AVEN: variants seen among roughly 807,000 people sequenced by gnomAD.
AVEN encodes apoptosis and caspase activation inhibitor.
In AVEN, 41 loss-of-function variants were observed where a neutral mutation model predicts 38.1. The observed-to-expected ratio is 1.08, with a 90% CI of 0.84 to 1.40. The LOEUF is 1.40. Ranked by LOEUF, AVEN falls within the 40% of genes most tolerant of loss-of-function variation. The pLI, the probability that AVEN is intolerant of heterozygous loss-of-function variation, is 0.00. For synonymous variants in AVEN, 206 were observed against 171.8 expected (o/e 1.20, Z -1.56); for missense variants, 605 against 438.8 (o/e 1.38, Z -3.38).
chr15:33,967,149 T>C (rs917314134), intron 2 of AVEN, among the ~76,000 whole-genome samples: 9 of 152,134 alleles, frequency 5.9e-5, no homozygotes, highest in African/African-American at 2.2e-4. Context: ...TATGTTCTCT[T>C]GCATAAATAT....
chr15:33,889,785 A>G (rs187073636), intron 2 of AVEN, among the ~76,000 whole-genome samples: 3 of 152,354 alleles, frequency 2.0e-5, no homozygotes, highest in Admixed American at 6.5e-5. Flanking sequence ...TCTGATTTTT[A>G]TTCTTTTTCA....
upstream of AVEN, among the ~76,000 whole-genome samples, chr15:34,042,591 C>T (rs1325890539): frequency 6.6e-6 from 1 of 151,542 alleles, no homozygotes; most frequent in African/African-American, 2.4e-5. Context: ...TTAGTAGAGA[C>T]GGGGTTTCTC....
intron 2 of AVEN, among the ~76,000 whole-genome samples, chr15:33,967,426 A>C (rs1311852110): frequency 1.3e-5 from 2 of 152,126 alleles, no homozygotes; most frequent in Non-Finnish European, 1.5e-5. Flanking sequence ...AAAAGTGTCC[A>C]TACTTTAAAA....
chr15:33,921,383 G>C (rs1893387830), intron 2 of AVEN, among the ~76,000 whole-genome samples: 1 of 151,966 alleles, frequency 6.6e-6, no homozygotes, highest in Non-Finnish European at 1.5e-5. Context: ...AATTGAGACA[G>C]TTTTTCAGAA....
At chr15:34,067,603 T>C (rs1341083163) in intron 2 of AVEN, 1 of 152,266 alleles carries the variant, frequency 6.6e-6, no homozygotes, top group African/African-American at 2.4e-5. Context: ...ATACACGTCC[T>C]TCTTGCTACC....
At chr15:33,893,062 T>C (rs1469989600) in intron 2 of AVEN, among the ~76,000 whole-genome samples, 1 of 152,230 alleles carries the variant, frequency 6.6e-6, no homozygotes, top group Non-Finnish European at 1.5e-5. Context: ...TTTCTGCACA[T>C]TGATTTTGTA....
At chr15:33,893,407 T>G (rs1321873411) in intron 2 of AVEN, among the ~76,000 whole-genome samples, 1 of 152,174 alleles carries the variant, frequency 6.6e-6, no homozygotes, top group African/African-American at 2.4e-5. Context: ...CCAGCCTTGC[T>G]TATATCAGAA....
chr15:34,017,875 C>T (rs903077123), intron 1 of AVEN, among the ~76,000 whole-genome samples: 2 of 152,132 alleles, frequency 1.3e-5, no homozygotes, highest in South Asian at 2.1e-4. Flanking sequence ...ACCATATTTA[C>T]AACAGTGGTC....
rs1396408090 is a variant in AVEN at position 33,934,025 on chromosome 15, G to T, written c.446-58030C>A. Among the ~76,000 whole-genome samples the T allele has an allele frequency of 4.6e-5, 7 of 152,252 alleles. No individual in the cohort carries two copies. The East Asian group carries it at 1.4e-3, about 29-fold the overall frequency. ...TTTTCTTTGCTCAAGAAATCCCTCT[G>T]TTCTCATTGCTGAGGCTCAATCTAT... On this transcript the variant is annotated intron_variant, in intron 2 of 5. Coordinates refer to ENST00000306730, the MANE Select transcript of AVEN (RefSeq NM_020371.3).
intron 2 of AVEN, among the ~76,000 whole-genome samples, chr15:33,918,312 A>G (rs1358301826): frequency 6.6e-6 from 1 of 152,148 alleles, no homozygotes; most frequent in East Asian, 1.9e-4. Context: ...AGCTCCTACT[A>G]TGTACTTTTA....
chr15:33,892,035 G>T (rs1217358987), intron 2 of AVEN, among the ~76,000 whole-genome samples: 2 of 152,230 alleles, frequency 1.3e-5, no homozygotes, highest in African/African-American at 4.8e-5. Context: ...CTTCTTTCGA[G>T]AAGTGTCTGT....
intron 2 of AVEN, among the ~76,000 whole-genome samples, chr15:33,889,218 T>C (rs1891832727): frequency 6.6e-6 from 1 of 152,228 alleles, no homozygotes; most frequent in African/African-American, 2.4e-5. Context: ...CTTTTTTGAC[T>C]GCTGTACTAC....
intron 2 of AVEN, among the ~76,000 whole-genome samples, chr15:34,069,592 T>C (rs1900590205): frequency 6.6e-6 from 1 of 152,238 alleles, no homozygotes; most frequent in African/African-American, 2.4e-5. Context: ...AGGAGGCATA[T>C]GATGTTCTAT....
At chr15:34,025,625 TA>T in intron 1 of AVEN, among the ~76,000 whole-genome samples, 1 of 152,318 alleles carries the variant, frequency 6.6e-6, no homozygotes, top group East Asian at 1.9e-4. Flanking sequence ...GTGCAATGGT[TA>T]TAAAAGATTT....
intron 1 of AVEN, among the ~76,000 whole-genome samples, chr15:34,035,390 A>T (rs1004202944): frequency 1.3e-5 from 2 of 152,208 alleles, no homozygotes; most frequent in Admixed American, 6.5e-5. Flanking sequence ...TTAAAAAAAT[A>T]ATCAGGCATG....
chr15:33,999,102 A>C (rs1897046432), intron 2 of AVEN, among the ~76,000 whole-genome samples: 1 of 152,194 alleles, frequency 6.6e-6, no homozygotes, highest in Non-Finnish European at 1.5e-5. Flanking sequence ...TAGAAGGTTG[A>C]CCAATATGGA....
At chr15:33,860,707 G>T in intron 11 of AVEN, 1 of 1,305,238 alleles carries the variant, frequency 7.7e-7, no homozygotes, top group Non-Finnish European at 1.1e-6. Context: ...AATATCCCCA[G>T]AAGCAAATAG....
chr15:33,883,498 GACACAGAAAGAT>G (rs1223502311), intron 2 of AVEN, among the ~76,000 whole-genome samples: 24 of 152,048 alleles, frequency 1.6e-4, no homozygotes, highest in African/African-American at 5.1e-4. Context: ...TGTATGTACT[GACACAGAAAGAT>G]ACCCATTATC....
intron 2 of AVEN, among the ~76,000 whole-genome samples, chr15:33,894,836 A>G (rs1342421691): frequency 3.3e-5 from 4 of 120,864 alleles, no homozygotes. Flanking sequence ...TAACAATAAT[A>G]ATAATAATAA....
Sources: allele counts gnomAD v4.1 joint callset (sites outside exome capture counted in the v4.1 genomes callset), GRCh38; gene constraint gnomAD v4.1.1; transcripts MANE v1.5; gene names NCBI Gene and HGNC (gene_info 2026-07-23, HGNC 2026-07-21).